TRPC6: variants seen among roughly 807,000 people sequenced by gnomAD.
TRPC6 encodes transient receptor potential cation channel subfamily C member 6, also known as short transient receptor potential channel 6.
Under a neutral mutation model 90.7 loss-of-function variants are expected in TRPC6, and 55 were observed. The observed-to-expected ratio is 0.61, with a 90% confidence interval of 0.49 to 0.76. The LOEUF is 0.76. Among genes scored for constraint, TRPC6 ranks in the 30% least tolerant of loss-of-function variants. TRPC6 has a pLI of 0.00. For missense variants in TRPC6, 989 were observed against 1,122.7 expected (o/e 0.88, Z 1.70); for synonymous variants, 393 against 393.0 (o/e 1.00, Z 0.00).
intron 11 of TRPC6, among the ~76,000 whole-genome samples, chr11:101,454,572 C>G (rs1858841753): frequency 6.6e-6 from 1 of 151,484 alleles, no homozygotes; most frequent in Non-Finnish European, 1.5e-5. Context: ...AAAACTATTA[C>G]TCATTATATA....
intron 1 of TRPC6, among the ~76,000 whole-genome samples, chr11:101,580,271 C>A (rs1862165307): frequency 6.6e-6 from 1 of 152,158 alleles, no homozygotes; most frequent in African/African-American, 2.4e-5. Flanking sequence ...GAACTGTAAA[C>A]ATACCTTTAA....
chr11:101,570,898 C>T lies in TRPC6; in HGVS notation c.170+12436G>A, dbSNP rs535514297. Among the ~76,000 whole-genome samples, 16 of 152,210 alleles carry T rather than the reference C, an allele frequency of 1.1e-4. No homozygotes were observed. In the South Asian group the frequency reaches 3.3e-3, roughly 32 times the overall value. On this transcript the variant is annotated intron_variant, in intron 1 of 12. Transcript: ENST00000344327. ...AATAATAAGAGCTATTTATGACAGA[C>T]CCACAGCCAATATCATACTGAATGG... is the stretch of plus-strand genomic sequence containing the variant.
chr11:101,488,901 T>G, intron 4 of TRPC6, 36 bp downstream of exon 4: 1 of 1,612,022 alleles, frequency 6.2e-7, no homozygotes, highest in South Asian at 1.1e-5. Context: ...AACATATTTC[T>G]AGTAGATAAT....
intron 1 of TRPC6, among the ~76,000 whole-genome samples, chr11:101,521,180 C>G (rs1860650948): frequency 6.6e-6 from 1 of 150,726 alleles, no homozygotes; most frequent in Admixed American, 6.6e-5. Context: ...TATCGCAAGC[C>G]TGGAGGACTA....
At chr11:101,544,390 A>G (rs544272355) in intron 1 of TRPC6, among the ~76,000 whole-genome samples, 2 of 152,220 alleles carry the variant, frequency 1.3e-5, no homozygotes, top group South Asian at 4.1e-4. Flanking sequence ...GTATATACCC[A>G]AAGGATTATA....
At chr11:101,583,065 G>T in intron 1 of TRPC6, 1 of 569,434 alleles carries the variant, frequency 1.8e-6, no homozygotes, top group Non-Finnish European at 2.2e-6. Context: ...CTGCAATGGT[G>T]GTGTTACTAT....
chr11:101,529,547 G>A (rs1860860792), intron 1 of TRPC6, among the ~76,000 whole-genome samples: 2 of 152,204 alleles, frequency 1.3e-5, no homozygotes, highest in Non-Finnish European at 2.9e-5. Context: ...CAATGCTAAA[G>A]CCTGGCTAGA....
chr11:101,470,961 G>T (rs1251798200), intron 9 of TRPC6, among the ~76,000 whole-genome samples: 2 of 151,948 alleles, frequency 1.3e-5, no homozygotes, highest in African/African-American at 4.8e-5. Context: ...TATTATTTTA[G>T]TTATATTTCA....
intron 1 of TRPC6, among the ~76,000 whole-genome samples, chr11:101,576,195 G>T (rs1355153847): frequency 2.0e-5 from 3 of 152,246 alleles, no homozygotes; most frequent in South Asian, 4.2e-4. Flanking sequence ...ATGCTCTGAA[G>T]ATCAAATTAC....
Position 101,453,743 on chromosome 11 carries a change from G to T in TRPC6, c.2569-18C>A. On this transcript the variant is annotated intron_variant, in intron 11 of 12. Coordinates refer to ENST00000344327, the MANE Select transcript of TRPC6 (RefSeq NM_004621.6). ...ATTATTTTCTAGAAAACAGAGAAAG[G>T]AGAAATCTATGTCAGTTTCAGGTTC... 1.9e-6 allele frequency: 3 copies of T among 1,607,300 alleles called. No homozygotes were observed. In the South Asian group the frequency reaches 3.3e-5, roughly 18 times the overall value.
intron 10 of TRPC6, among the ~76,000 whole-genome samples, chr11:101,458,516 A>G (rs1858934400): frequency 6.6e-6 from 1 of 152,290 alleles, no homozygotes; most frequent in South Asian, 2.1e-4. Flanking sequence ...TATGGAAGAG[A>G]TCAACTTTTA....
chr11:101,504,893 A>G, intron 1 of TRPC6, 95 bp from the exon 2 acceptor site: 1 of 1,402,844 alleles, frequency 7.1e-7, no homozygotes, highest in Non-Finnish European at 9.8e-7. Flanking sequence ...CCTCAAGTAT[A>G]TTAGATGTTG....
chr11:101,546,588 T>G (rs1231264483), intron 1 of TRPC6, among the ~76,000 whole-genome samples: 1 of 152,212 alleles, frequency 6.6e-6, no homozygotes, highest in Non-Finnish European at 1.5e-5. Context: ...CTTTCTGAGC[T>G]TTGGCTTTTT....
intron 9 of TRPC6, among the ~76,000 whole-genome samples, chr11:101,470,815 CCCCT>C: frequency 4.9e-5 from 3 of 60,700 alleles, no homozygotes; most frequent in South Asian, 6.1e-4. Context: ...CCGCCCCCCC[CCCCT>C]CCCCGAGTCA....
At chr11:101,460,599 A>G (rs1191185784) in intron 10 of TRPC6, among the ~76,000 whole-genome samples, 1 of 152,176 alleles carries the variant, frequency 6.6e-6, no homozygotes, top group Non-Finnish European at 1.5e-5. Context: ...AAACTGTAAA[A>G]CAATTTTGTC....
At chr11:101,488,034 T>C (rs1859716849) in intron 4 of TRPC6, among the ~76,000 whole-genome samples, 1 of 152,212 alleles carries the variant, frequency 6.6e-6, no homozygotes, top group South Asian at 2.1e-4. Flanking sequence ...ATCATGCCCA[T>C]GTTTAAGCAC....
intron 11 of TRPC6, among the ~76,000 whole-genome samples, chr11:101,454,499 AAT>A (rs1858840405): frequency 6.6e-6 from 1 of 152,054 alleles, no homozygotes; most frequent in Non-Finnish European, 1.5e-5. Context: ...TGTATGAAGG[AAT>A]ATGATACATT....
At chr11:101,567,437 G>A (rs1861862980) in intron 1 of TRPC6, among the ~76,000 whole-genome samples, 1 of 152,168 alleles carries the variant, frequency 6.6e-6, no homozygotes, top group South Asian at 2.1e-4. Flanking sequence ...TGTAGGCACA[G>A]CTTCAGCAGA....
chr11:101,562,485 A>G (rs1861735845), intron 1 of TRPC6, among the ~76,000 whole-genome samples: 1 of 152,070 alleles, frequency 6.6e-6, no homozygotes, highest in African/African-American at 2.4e-5. Context: ...TTCACTAGAT[A>G]TTTTTTATAT....
Sources: allele counts gnomAD v4.1 joint callset (sites outside exome capture counted in the v4.1 genomes callset), GRCh38; gene constraint gnomAD v4.1.1; transcripts MANE v1.5; gene names NCBI Gene and HGNC (gene_info 2026-07-23, HGNC 2026-07-21).